TAB2: variants seen among roughly 807,000 people sequenced by gnomAD.
TAB2 encodes the protein TGF-beta activated kinase 1 (MAP3K7) binding protein 2, also known as TGF-beta-activated kinase 1 and MAP3K7-binding protein 2.
In TAB2, 3 loss-of-function variants were observed where a neutral mutation model predicts 65.0. The ratio of observed to expected loss-of-function variants is 0.05; its 90% CI spans 0.02 to 0.12. The LOEUF (loss-of-function observed/expected upper bound fraction) is 0.12. Ranked by LOEUF, TAB2 falls within the 10% of genes least tolerant of loss-of-function variation. The pLI is 1.00. For missense variants in TAB2, 623 were observed against 840.3 expected (o/e 0.74, Z 3.20); for synonymous variants, 298 against 285.1 (o/e 1.05, Z -0.46).
intron 1 of TAB2, among the ~76,000 whole-genome samples, chr6:149,287,852 T>C (rs1408873682): frequency 6.6e-6 from 1 of 152,228 alleles, no homozygotes; most frequent in Non-Finnish European, 1.5e-5. Context: ...ATGGGGCATG[T>C]TATTTATAAG....
At chr6:149,388,393 A>G (rs1562448082) in intron 3 of TAB2, among the ~76,000 whole-genome samples, 1 of 152,224 alleles carries the variant, frequency 6.6e-6, no homozygotes, top group South Asian at 2.1e-4. Context: ...GGAGACAGAG[A>G]GCCAGAAGAA....
At chr6:149,385,263 A>G (rs1781751840) in intron 3 of TAB2, among the ~76,000 whole-genome samples, 1 of 152,268 alleles carries the variant, frequency 6.6e-6, no homozygotes, top group African/African-American at 2.4e-5. Flanking sequence ...AAAAGGAAAT[A>G]TAATTTTATT....
chr6:149,400,565 C>T (rs371155775), intron 6 of TAB2: 100 of 1,614,214 alleles, frequency 6.2e-5, no homozygotes, highest in Non-Finnish European at 7.6e-5. Context: ...TGAAGCAGAT[C>T]AGATTCCGAT....
chr6:149,385,429 A>T (rs1203754230), intron 3 of TAB2, among the ~76,000 whole-genome samples: 1 of 152,236 alleles, frequency 6.6e-6, no homozygotes, highest in Non-Finnish European at 1.5e-5. Flanking sequence ...CGGGAGTCTG[A>T]GGCAGGAAGA....
At chr6:149,356,313 C>A (rs1780652189) in intron 1 of TAB2, among the ~76,000 whole-genome samples, 1 of 152,180 alleles carries the variant, frequency 6.6e-6, no homozygotes, top group Non-Finnish European at 1.5e-5. Flanking sequence ...GACTCAACTT[C>A]ATTTTATACA....
In TAB2 at chr6:149,346,821, T is replaced by C. The variant is rs374547934; in HGVS notation, c.-89-23088T>C. Reference sequence around the variant, plus strand: ...TTTAAATTAATATTTAACCAACTTATTAAAATTTCTACACATCATTCAGTG... The same window carrying C: ...TTTAAATTAATATTTAACCAACTTACTAAAATTTCTACACATCATTCAGTG... On this transcript the variant is annotated intron_variant, in intron 1 of 6. Coordinates refer to ENST00000637181, the MANE Select transcript of TAB2 (RefSeq NM_001292034.3). Among the ~76,000 whole-genome samples the C allele has an allele frequency of 2.0e-5, 3 of 152,306 alleles. No homozygotes were observed. In the East Asian group the frequency reaches 5.8e-4, roughly 29 times the overall value.
At chr6:149,316,554 T>C (rs11155639), upstream of TAB2, among the ~76,000 whole-genome samples, 56,606 of 152,164 alleles carry the variant, frequency 0.37, 12,345 homozygotes, top group Middle Eastern at 0.52. Context: ...CCCTAGTGTT[T>C]TGGACACCAT....
At chr6:149,219,023 T>C (rs1167100410) in intron 1 of TAB2, among the ~76,000 whole-genome samples, 2 of 152,210 alleles carry the variant, frequency 1.3e-5, no homozygotes, top group Non-Finnish European at 2.9e-5. Flanking sequence ...AACTTTCTGT[T>C]TGGATGGCAT....
chr6:149,243,682 C>T (rs1777645234), intron 1 of TAB2: 1 of 152,186 alleles, frequency 6.6e-6, no homozygotes. Flanking sequence ...TTGAAATGAT[C>T]CTCTTCTTAA....
intron 1 of TAB2, among the ~76,000 whole-genome samples, chr6:149,364,835 C>T (rs1363262847): frequency 6.6e-6 from 1 of 151,066 alleles, no homozygotes; most frequent in Non-Finnish European, 1.5e-5. Flanking sequence ...CTCTTATAGT[C>T]CTAGAAACAT....
At chr6:149,310,955 C>T (rs1779156918) in intron 1 of TAB2, among the ~76,000 whole-genome samples, 1 of 152,152 alleles carries the variant, frequency 6.6e-6, no homozygotes, top group African/African-American at 2.4e-5. Context: ...CCTTTTATTG[C>T]CACAAGTGTG....
intron 1 of TAB2, among the ~76,000 whole-genome samples, chr6:149,292,605 G>A (rs886879051): frequency 1.3e-5 from 2 of 152,104 alleles, no homozygotes; most frequent in Admixed American, 1.3e-4. Flanking sequence ...GAACTATGCT[G>A]TTGACAGGAT....
intron 6 of TAB2, among the ~76,000 whole-genome samples, chr6:149,402,688 C>T (rs1401227895): frequency 6.6e-6 from 1 of 152,146 alleles, no homozygotes; most frequent in Admixed American, 6.5e-5. Context: ...AAGAAAACTA[C>T]AGACCAATAT....
chr6:149,233,327 C>A (rs1777439930), intron 1 of TAB2, among the ~76,000 whole-genome samples: 1 of 152,146 alleles, frequency 6.6e-6, no homozygotes, highest in Non-Finnish European at 1.5e-5. Context: ...CACTGAGACG[C>A]CTCTACTGTA....
chr6:149,286,376 T>C (rs78066995), intron 1 of TAB2, among the ~76,000 whole-genome samples: 7,168 of 152,336 alleles, frequency 0.047, 193 homozygotes, highest in Middle Eastern at 0.095. Flanking sequence ...TCTAGGTTAC[T>C]GGTAATACTT....
At chr6:149,311,261 T>C (rs1361922423) in intron 1 of TAB2, among the ~76,000 whole-genome samples, 1 of 152,186 alleles carries the variant, frequency 6.6e-6, no homozygotes, top group Non-Finnish European at 1.5e-5. Flanking sequence ...CTCTGGTCTT[T>C]TCTCCAGCTA....
rs1481198387 is a variant in TAB2 at position 149,290,548 on chromosome 6, G to T, written c.-121+71772G>T. ...CTATATATCCCAACAGACTAGAAGA[G>T]TGTGTGGTATTTAGGCTGGGCATGG... is the stretch of plus-strand genomic sequence containing the variant. On this transcript the variant is annotated intron_variant, in intron 1 of 1. Coordinates refer to the TAB2 transcript ENST00000606202. Among the ~76,000 whole-genome samples the T allele has an allele frequency of 1.3e-5, 2 of 152,262 alleles. 1 individual carries two copies. The highest frequency in any genetic ancestry group is 4.1e-4 in the South Asian group (2 of 4,830).
intron 3 of TAB2, among the ~76,000 whole-genome samples, chr6:149,396,247 ACCT>A (rs1285702365): frequency 1.3e-5 from 2 of 152,146 alleles, no homozygotes; most frequent in Non-Finnish European, 2.9e-5. Context: ...CGAACTCCTG[ACCT>A]CAGATGATCC....
chr6:149,279,793 T>A (rs1778539693), intron 1 of TAB2, among the ~76,000 whole-genome samples: 1 of 152,212 alleles, frequency 6.6e-6, no homozygotes, highest in Non-Finnish European at 1.5e-5. Flanking sequence ...TCCACCTGTA[T>A]GTCCCCCAAA....
Sources: allele counts gnomAD v4.1 joint callset (sites outside exome capture counted in the v4.1 genomes callset), GRCh38; gene constraint gnomAD v4.1.1; transcripts MANE v1.5; gene names NCBI Gene and HGNC (gene_info 2026-07-23, HGNC 2026-07-21).